USP4: variants seen among roughly 807,000 people sequenced by gnomAD.
USP4 encodes the protein ubiquitin carboxyl-terminal hydrolase 4.
A neutral mutation model predicts 118.2 loss-of-function variants in USP4; 72 were observed. The ratio of observed to expected loss-of-function variants is 0.61; its 90% CI spans 0.50 to 0.74. USP4 has a LOEUF of 0.74. USP4 is among the 30% of genes least tolerant of loss of function. The pLI is 0.00. For synonymous variants in USP4, 415 were observed against 440.4 expected (o/e 0.94, Z 0.72); for missense variants, 1,037 against 1,185.7 (o/e 0.87, Z 1.84).
chr3:49,287,140 C>T (rs559423715), intron 15 of USP4, among the ~76,000 whole-genome samples: 1 of 152,132 alleles, frequency 6.6e-6, no homozygotes, highest in South Asian at 2.1e-4. Flanking sequence ...ACGTGAGCCA[C>T]TGCACCTGGC....
intron 13 of USP4, among the ~76,000 whole-genome samples, chr3:49,295,927 T>TAAGCAA (rs2047203310): frequency 6.6e-6 from 1 of 152,156 alleles, no homozygotes; most frequent in Non-Finnish European, 1.5e-5. Context: ...CTGCTAGTAA[T>TAAGCAA]AAGCACCTAA....
chr3:49,290,981 T>A (rs539181578), intron 15 of USP4, among the ~76,000 whole-genome samples: 2 of 151,880 alleles, frequency 1.3e-5, no homozygotes, highest in East Asian at 2.0e-4. Flanking sequence ...CTACGCTTTT[T>A]TTTTGGAGAC....
At chr3:49,331,570 G>T (rs1291468057) in intron 2 of USP4, among the ~76,000 whole-genome samples, 1 of 151,912 alleles carries the variant, frequency 6.6e-6, no homozygotes, top group African/African-American at 2.4e-5. Context: ...GCAGTAAGCC[G>T]AGATTGCACC....
chr3:49,295,732 A>G (rs2047200489), intron 13 of USP4, among the ~76,000 whole-genome samples: 2 of 150,274 alleles, frequency 1.3e-5, no homozygotes, highest in Admixed American at 6.6e-5. Context: ...ACACACACAC[A>G]CACCCCCCCC....
Position 49,283,437 on chromosome 3 carries a change from G to A in USP4, c.2540+550C>T, listed in dbSNP as rs572466583. Among the ~76,000 whole-genome samples, 5 of 152,152 alleles carry A rather than the reference G, an allele frequency of 3.3e-5. No individual in the cohort carries two copies. The South Asian group carries it at 1.0e-3, about 32-fold the overall frequency. The stretch of plus-strand genomic sequence containing the variant: ...TTGGCCTCCCAAATTGATGATATGT[G>A]AGCCACTGTGCCCAGCCAGGGAACA... On this transcript the variant is annotated intron_variant, in intron 19 of 21. Coordinates refer to ENST00000265560, the MANE Select transcript of USP4 (RefSeq NM_003363.4).
At chr3:49,303,438 C>T (rs1455698667) in intron 9 of USP4, among the ~76,000 whole-genome samples, 5 of 23,344 alleles carry the variant, frequency 2.1e-4, no homozygotes, top group Non-Finnish European at 4.3e-4. Flanking sequence ...AAGGCTGTCT[C>T]AAAAAAAAAA....
chr3:49,321,969 G>A (rs2047507519), intron 6 of USP4, among the ~76,000 whole-genome samples: 1 of 152,002 alleles, frequency 6.6e-6, no homozygotes, highest in African/African-American at 2.4e-5. Flanking sequence ...ACTCCAGCCT[G>A]GGCTACAGAT....
intron 7 of USP4, 120 bp downstream of exon 7, chr3:49,311,394 G>C: frequency 1.9e-6 from 2 of 1,079,868 alleles, no homozygotes; most frequent in Non-Finnish European, 2.7e-6. Context: ...ACTACATGTA[G>C]CATGTTCCCA....
In USP4 at chr3:49,336,319, GCA is replaced by G. The variant is rs1163721576; in HGVS notation, c.102-725_102-724del. 1.1e-4 allele frequency among the ~76,000 whole-genome samples: 17 copies of G among 150,596 alleles called. No individual in the cohort carries two copies. The East Asian group carries it at 2.4e-3, about 21-fold the overall frequency. ...CCCAAGTAGCTGGGATTACAGGCAT[GCA>G]TCACCAGGCCCAGCTAATTTTTTTG... On this transcript the variant is annotated intron_variant, in intron 1 of 21. Coordinates refer to ENST00000265560, the MANE Select transcript of USP4 (RefSeq NM_003363.4).
intron 6 of USP4, among the ~76,000 whole-genome samples, chr3:49,314,554 C>T (rs979971608): frequency 6.6e-6 from 1 of 152,176 alleles, no homozygotes. Flanking sequence ...TAAAGAAAGT[C>T]TGCTGCCCAA....
chr3:49,314,145 C>A (rs988561895), intron 6 of USP4: 7 of 152,196 alleles, frequency 4.6e-5, no homozygotes, highest in African/African-American at 1.7e-4. Context: ...CTCATGGGAT[C>A]TGATCTCAAC....
At chr3:49,299,517 C>G (rs1351673190) in intron 11 of USP4, among the ~76,000 whole-genome samples, 1 of 151,612 alleles carries the variant, frequency 6.6e-6, no homozygotes, top group African/African-American at 2.4e-5. Flanking sequence ...CTCAGCTGCC[C>G]GAGTAGCTGG....
chr3:49,327,665 G>A (rs2107800760), intron 3 of USP4, 21 bp downstream of exon 3: 4 of 1,613,624 alleles, frequency 2.5e-6, no homozygotes, highest in Non-Finnish European at 2.5e-6. Context: ...ACCAGCAGGT[G>A]GGACAATTCA....
At position 49,305,703 on chromosome 3, in the gene USP4, A is replaced by G. The variant is rs2047307014; in HGVS notation, c.1128+12T>C. The G allele has an allele frequency of 1.9e-6, 3 of 1,588,918 alleles. No individual in the cohort carries two copies. The East Asian group carries it at 6.8e-5, about 36-fold the overall frequency. On this transcript the variant is annotated intron_variant, in intron 9 of 21. Transcript: ENST00000265560. Reference sequence around the variant, plus strand: ...AGGGATACCCAACCCATATATATATATGTCTACCTACTTTGAACATGCGAG... The same window carrying G: ...AGGGATACCCAACCCATATATATATGTGTCTACCTACTTTGAACATGCGAG...
chr3:49,327,263 C>T (rs1241359929), intron 3 of USP4, among the ~76,000 whole-genome samples: 3 of 151,972 alleles, frequency 2.0e-5, no homozygotes, highest in Non-Finnish European at 2.9e-5. Flanking sequence ...ACAGGCTGGG[C>T]GTAGTGGCTC....
In USP4 at chr3:49,298,620, G is replaced by A; in HGVS notation, c.1528C>T (p.Pro510Ser). 6.2e-7 allele frequency: 1 copy of A among 1,614,072 alleles called. No homozygotes were observed. Among genetic ancestry groups the A allele is most frequent in the Non-Finnish European group, 8.5e-7 (1 of 1,179,968 alleles). Residue 510 changes from proline to serine, a missense_variant, in exon 12 of 22, where the codon CCG becomes TCG. By Grantham distance (74) the Pro-to-Ser change is moderately conservative (BLOSUM62 -1). Coordinates refer to ENST00000265560, the MANE Select transcript of USP4 (RefSeq NM_003363.4). ...AGGTCGGACACAGCCCCCATCAGCGGCACAGTCACACGGTACTGCAAGACA... is the reference window on the plus strand; with the variant it reads ...AGGTCGGACACAGCCCCCATCAGCGACACAGTCACACGGTACTGCAAGACA... ...CRPTQYRVTV[P>S]LMGAVSDLCE...
rs1234940573 is a variant in USP4 at position 49,294,599 on chromosome 3, C to G, written c.1692-1G>C. On this transcript the variant is annotated splice_acceptor_variant, in intron 13 of 21. Transcript: ENST00000265560. LOFTEE classifies it high-confidence loss of function. Reference sequence around the variant, plus strand: ...CACGGAAGTGCTGCAGACCTCGTACCTGCGTCAATCACACAAGAGGGCACT... The same window carrying G: ...CACGGAAGTGCTGCAGACCTCGTACGTGCGTCAATCACACAAGAGGGCACT... 3.7e-6 allele frequency: 6 copies of G among 1,612,248 alleles called. No individual in the cohort carries two copies. The highest frequency in any genetic ancestry group is 5.1e-6 in the Non-Finnish European group (6 of 1,178,926).
At chr3:49,327,929 G>C (rs947666723) in intron 2 of USP4, 113 bp from the exon 3 acceptor site, 1 of 1,132,444 alleles carries the variant, frequency 8.8e-7, no homozygotes, top group Non-Finnish European at 1.2e-6. Flanking sequence ...AAAGAAACAG[G>C]AATGAAATTC....
At chr3:49,279,444 CA>C (rs1352232153) in intron 20 of USP4, among the ~76,000 whole-genome samples, 60 of 142,114 alleles carry the variant, frequency 4.2e-4, no homozygotes, top group South Asian at 1.3e-3. Flanking sequence ...TCTCCATATC[CA>C]AAAAAAAAAA....
Sources: gnomAD v4.1 joint callset for allele counts (sites outside exome capture counted in the v4.1 genomes callset) on GRCh38, gnomAD v4.1.1 for gene constraint, MANE v1.5 for transcripts, NCBI Gene and HGNC (gene_info 2026-07-23, HGNC 2026-07-21) for gene names.